Variants in SHTN1 observed in about 807,000 individuals in gnomAD.
SHTN1 encodes shootin-1.
A neutral mutation model predicts 83.1 loss-of-function variants in SHTN1; 42 were observed. That is an observed-to-expected ratio of 0.51 (90% confidence interval 0.39 to 0.65). The LOEUF (loss-of-function observed/expected upper bound fraction) is 0.65, where lower values mean the gene tolerates loss of function less well. Among genes scored for constraint, SHTN1 ranks in the 30% least tolerant of loss-of-function variants. The pLI is 0.00. For synonymous variants in SHTN1, 224 were observed against 247.7 expected (o/e 0.90, Z 0.90); for missense variants, 622 against 737.8 (o/e 0.84, Z 1.82).
At chr10:116,945,143 G>A in intron 7 of SHTN1, 125 bp from the exon 8 acceptor site, 1 of 657,916 alleles carries the variant, frequency 1.5e-6, no homozygotes. Context: ...TGCATTCCTG[G>A]TTGGCATACA....
At chr10:116,966,606 G>T (rs1850405824) in intron 3 of SHTN1, among the ~76,000 whole-genome samples, 1 of 152,158 alleles carries the variant, frequency 6.6e-6, no homozygotes, top group Admixed American at 6.5e-5. Context: ...AAGAGAAATG[G>T]CAGATGAAAG....
intron 3 of SHTN1, among the ~76,000 whole-genome samples, chr10:116,966,684 G>A (rs1850408183): frequency 1.3e-5 from 2 of 152,176 alleles, no homozygotes; most frequent in Admixed American, 6.5e-5. Flanking sequence ...CATAATGCAG[G>A]AGGCAAAGTC....
chr10:117,097,000 C>T (rs767690686), intron 1 of SHTN1, among the ~76,000 whole-genome samples: 5 of 148,278 alleles, frequency 3.4e-5, no homozygotes, highest in East Asian at 2.0e-4. Context: ...AACACCCAAG[C>T]GCGCACGCGC....
rs572777976 is a variant in SHTN1 at position 116,935,149 on chromosome 10, C to T, written c.859-5147G>A. Among the ~76,000 whole-genome samples the T allele has an allele frequency of 7.9e-5, 12 of 152,166 alleles. No individual in the cohort carries two copies. In the South Asian group the frequency reaches 2.5e-3, roughly 32 times the overall value. On this transcript the variant is annotated intron_variant, in intron 9 of 16. Transcript: ENST00000355371. ...ACTTCCTCTCTTCCTGTGTGAATAC[C>T]CTTTATTTCTTTCCCTTGCCTGATT...
intron 2 of SHTN1, among the ~76,000 whole-genome samples, chr10:117,012,730 T>A (rs1039676069): frequency 4.6e-5 from 7 of 151,864 alleles, no homozygotes; most frequent in Non-Finnish European, 1.0e-4. Flanking sequence ...GCGTAATCAA[T>A]AAAAGAATTG....
At chr10:117,022,554 A>T (rs1232791638) in intron 2 of SHTN1, among the ~76,000 whole-genome samples, 1 of 152,206 alleles carries the variant, frequency 6.6e-6, no homozygotes. Flanking sequence ...CAACTAAACA[A>T]AACTCACACA....
chr10:116,999,168 G>T (rs1387018625), intron 1 of SHTN1, among the ~76,000 whole-genome samples: 1 of 152,128 alleles, frequency 6.6e-6, no homozygotes, highest in African/African-American at 2.4e-5. Context: ...AGGAAAGAAA[G>T]ATAGAAATGT....
At chr10:117,062,837 A>C (rs1192972702) in intron 1 of SHTN1, among the ~76,000 whole-genome samples, 2 of 152,176 alleles carry the variant, frequency 1.3e-5, no homozygotes, top group Non-Finnish European at 2.9e-5. Flanking sequence ...ATGGTCAATA[A>C]ATTTAGAATT....
intron 4 of SHTN1, among the ~76,000 whole-genome samples, chr10:116,955,050 G>C (rs1849927601): frequency 7.4e-6 from 1 of 134,958 alleles, no homozygotes; most frequent in African/African-American, 2.8e-5. Context: ...GTTTAAACTA[G>C]TTCAAGATGT....
At chr10:116,909,980 G>A (rs1273918303) in intron 14 of SHTN1, among the ~76,000 whole-genome samples, 4 of 152,108 alleles carry the variant, frequency 2.6e-5, no homozygotes, top group African/African-American at 9.7e-5. Flanking sequence ...CCATGATTGT[G>A]AGGTTGGGAC....
At chr10:117,100,202 T>A (rs925102145) in intron 1 of SHTN1, among the ~76,000 whole-genome samples, 1 of 151,982 alleles carries the variant, frequency 6.6e-6, no homozygotes, top group African/African-American at 2.4e-5. Flanking sequence ...AAATAAAAAA[T>A]AAAGAGTAAA....
intron 1 of SHTN1, among the ~76,000 whole-genome samples, chr10:117,054,957 G>T: frequency 6.6e-6 from 1 of 152,092 alleles, no homozygotes; most frequent in East Asian, 1.9e-4. Context: ...CTGCTATAAA[G>T]AACTACCTGA....
chr10:116,954,925 G>C (rs1200918981), intron 4 of SHTN1, among the ~76,000 whole-genome samples: 2 of 151,956 alleles, frequency 1.3e-5, no homozygotes, highest in Non-Finnish European at 2.9e-5. Flanking sequence ...CAGAGAAAGG[G>C]TTTCCCACCA....
At position 116,934,622 on chromosome 10, in the gene SHTN1, C is replaced by T. The variant is rs577778099; in HGVS notation, c.859-4620G>A. On this transcript the variant is annotated intron_variant, in intron 9 of 16. Transcript: ENST00000355371. The stretch of plus-strand genomic sequence containing the variant: ...AGTGTGATGACTCCAGCTTTGTTCT[C>T]TTTGCTTTGGATTGTCTTGGCAATA... 7.3e-4 allele frequency among the ~76,000 whole-genome samples: 111 copies of T among 152,094 alleles called. 2 individuals are homozygous for T. In the South Asian group the frequency reaches 0.022, roughly 30 times the overall value.
intron 2 of SHTN1, among the ~76,000 whole-genome samples, chr10:117,014,304 C>G (rs1564931022): frequency 6.6e-6 from 1 of 152,100 alleles, no homozygotes; most frequent in Non-Finnish European, 1.5e-5. Flanking sequence ...AATTTAATAA[C>G]AAGTCAGCCA....
upstream of SHTN1, among the ~76,000 whole-genome samples, chr10:117,007,253 C>T (rs900284627): frequency 2.6e-5 from 4 of 151,822 alleles, no homozygotes; most frequent in Admixed American, 6.6e-5. Context: ...GTCATCCTGA[C>T]TCATTCTCTC....
At chr10:117,007,182 A>G (rs1852032368), upstream of SHTN1, among the ~76,000 whole-genome samples, 1 of 152,042 alleles carries the variant, frequency 6.6e-6, no homozygotes, top group South Asian at 2.1e-4. Flanking sequence ...GGAGATTTTA[A>G]TGAAAAATAA....
chr10:117,064,609 C>T (rs566120769), intron 1 of SHTN1, among the ~76,000 whole-genome samples: 32 of 150,122 alleles, frequency 2.1e-4, no homozygotes, highest in Admixed American at 1.3e-3. Flanking sequence ...GAGCCGAGAT[C>T]GTGCCACTGC....
At chr10:116,915,056 A>G (rs1172385906) in intron 13 of SHTN1, among the ~76,000 whole-genome samples, 2 of 152,218 alleles carry the variant, frequency 1.3e-5, no homozygotes, top group African/African-American at 4.8e-5. Context: ...TAATCAGTAG[A>G]ATCACACAAA....
Sources: gnomAD v4.1 joint callset for allele counts (sites outside exome capture counted in the v4.1 genomes callset) on GRCh38, gnomAD v4.1.1 for gene constraint, MANE v1.5 for transcripts, NCBI Gene and HGNC (gene_info 2026-07-23, HGNC 2026-07-21) for gene names.